The following MGST1 variants were observed in gnomAD, a reference collection of about 807,000 sequenced individuals.
The protein encoded by MGST1 is microsomal glutathione S-transferase 1.
A neutral mutation model predicts 8.9 loss-of-function variants in MGST1; 5 were observed. The ratio of observed to expected loss-of-function variants is 0.56; its 90% CI spans 0.29 to 1.19. The LOEUF (loss-of-function observed/expected upper bound fraction) is 1.19, where lower values mean the gene tolerates loss of function less well. MGST1 is among the 50% of genes most tolerant of loss of function. The pLI is 0.08. For synonymous variants in MGST1, 54 were observed against 67.8 expected, an observed-to-expected ratio of 0.80 and a Z score of 1.00; for missense variants, 182 against 187.4, an observed-to-expected ratio of 0.97 and a Z score of 0.17.
downstream of MGST1, among the ~76,000 whole-genome samples, chr12:16,591,766 T>C (rs989007058): frequency 3.3e-5 from 5 of 152,086 alleles, no homozygotes; most frequent in African/African-American, 9.7e-5. This position sits in a 1 kb window ranked among gnomAD's most constrained non-coding sequence, Gnocchi z 4.1. Context: ...TCTGTCTTGC[T>C]CTGCACCCAA....
At chr12:16,484,559 G>C (rs760864033) in intron 4 of MGST1, among the ~76,000 whole-genome samples, 1 of 152,158 alleles carries the variant, frequency 6.6e-6, no homozygotes, top group Admixed American at 6.5e-5. Flanking sequence ...AGCACAACTA[G>C]GGAGGTCTCA....
At chr12:16,494,603 G>A (rs1941458657) in intron 4 of MGST1, among the ~76,000 whole-genome samples, 1 of 152,088 alleles carries the variant, frequency 6.6e-6, no homozygotes, top group Non-Finnish European at 1.5e-5. Context: ...CCTTTTGCAA[G>A]CTATGATTGT....
chr12:16,437,703 CA>C (rs1170476023), exon 2 of MGST1: 2 of 151,956 alleles, frequency 1.3e-5, no homozygotes, highest in African/African-American at 4.8e-5. Context: ...CATGCTGTTG[CA>C]AACATGCCCT....
chr12:16,569,860 CAG>C (rs1217140463), intron 4 of MGST1, among the ~76,000 whole-genome samples: 3 of 152,130 alleles, frequency 2.0e-5, no homozygotes, highest in East Asian at 3.9e-4. Context: ...TGTACTAAAA[CAG>C]AAATATTTTA....
chr12:16,494,057 C>T (rs1015737344), intron 4 of MGST1, among the ~76,000 whole-genome samples: 3 of 152,008 alleles, frequency 2.0e-5, no homozygotes, highest in African/African-American at 4.8e-5. Context: ...GATACTGTGT[C>T]GTCAAGGTAA....
At chr12:16,432,731 C>CACAGAG (rs775306657) in intron 1 of MGST1, among the ~76,000 whole-genome samples, 10 of 132,754 alleles carry the variant, frequency 7.5e-5, no homozygotes, top group African/African-American at 1.7e-4. Context: ...CACACACACA[C>CACAGAG]AGAGAGAGAG....
At chr12:16,551,345 A>G (rs759563257) in intron 4 of MGST1, 1 of 1,431,554 alleles carries the variant, frequency 7.0e-7, no homozygotes, top group East Asian at 2.3e-5. Flanking sequence ...TATTTTAAAC[A>G]ATAAAATGTG....
At chr12:16,463,888 CT>C (rs1408788722) in intron 4 of MGST1, among the ~76,000 whole-genome samples, 1 of 152,102 alleles carries the variant, frequency 6.6e-6, no homozygotes, top group Non-Finnish European at 1.5e-5. Context: ...ACGTTAAATG[CT>C]TTTTCGAATT....
chr12:16,451,664 T>G (rs1235237918), intron 4 of MGST1, among the ~76,000 whole-genome samples: 1 of 151,920 alleles, frequency 6.6e-6, no homozygotes, highest in Non-Finnish European at 1.5e-5. Flanking sequence ...CTATATTTTT[T>G]TAAGAGCATC....
chr12:16,566,447 G>A (rs182502550), intron 4 of MGST1, among the ~76,000 whole-genome samples: 13 of 151,914 alleles, frequency 8.6e-5, no homozygotes, highest in Admixed American at 6.6e-5. Context: ...TGTATGAGGC[G>A]ATGGGTATTT....
chr12:16,537,709 A>G lies in MGST1; in HGVS notation n.483-51819A>G, dbSNP rs2137208334. ...AGGTTTGGAGTTTGCACCCTCTCAAACCATGAGCTGAGCTGTACCTTGGCC... is the reference window on the plus strand; with the variant it reads ...AGGTTTGGAGTTTGCACCCTCTCAAGCCATGAGCTGAGCTGTACCTTGGCC... On this transcript the variant is annotated intron_variant and non_coding_transcript_variant, in intron 4 of 4. Transcript: ENST00000538857. The surrounding 1 kb of genome is among the most constrained non-coding windows in gnomAD (Gnocchi z 4.6). Among the ~76,000 whole-genome samples, 1 of 152,164 alleles carries G rather than the reference A, an allele frequency of 6.6e-6. No homozygotes were observed. The highest frequency in any genetic ancestry group is 3.4e-3 in the Middle Eastern group (1 of 294).
intron 1 of MGST1, among the ~76,000 whole-genome samples, chr12:16,418,782 A>G (rs1439653478): frequency 6.6e-6 from 1 of 152,190 alleles, no homozygotes; most frequent in Admixed American, 6.6e-5. Flanking sequence ...TTGGGAATAA[A>G]TAAAATAATA....
chr12:16,521,888 A>G (rs953814456), intron 4 of MGST1, among the ~76,000 whole-genome samples: 1 of 152,110 alleles, frequency 6.6e-6, no homozygotes, highest in Non-Finnish European at 1.5e-5. Context: ...CCATTCCGAG[A>G]ACACTATTGT....
chr12:16,432,289 A>T (rs1340778757), intron 1 of MGST1, among the ~76,000 whole-genome samples: 1 of 152,176 alleles, frequency 6.6e-6, no homozygotes, highest in Non-Finnish European at 1.5e-5. Context: ...TCGTTCTGCC[A>T]GACAACTTAT....
chr12:16,355,861 G>T (rs1239211806), intron 2 of MGST1, among the ~76,000 whole-genome samples: 2 of 152,168 alleles, frequency 1.3e-5, no homozygotes, highest in African/African-American at 4.8e-5. Context: ...CTTACAAAAT[G>T]CCATAGACTG....
chr12:16,486,339 C>A (rs371562791), intron 4 of MGST1, among the ~76,000 whole-genome samples: 1 of 151,868 alleles, frequency 6.6e-6, no homozygotes, highest in Non-Finnish European at 1.5e-5. Context: ...AGCTATTAAT[C>A]GAAAATTGAT....
rs921774631 is a variant in MGST1, at chr12:16,364,348, G to A, written c.*307G>A. Reference sequence around the variant, plus strand: ...TTTTGAATCTATAAAAGAATTGCACGTATGAGAAACCTATATTTCAATACT... The same window carrying A: ...TTTTGAATCTATAAAAGAATTGCACATATGAGAAACCTATATTTCAATACT... On this transcript the variant is annotated 3_prime_UTR_variant, in exon 4 of 4. Coordinates refer to ENST00000396210, the MANE Select transcript of MGST1 (RefSeq NM_020300.5). This position sits in a 1 kb window ranked among gnomAD's most constrained non-coding sequence, Gnocchi z 5.7. 18 of 1,026,266 alleles carry A rather than the reference G, an allele frequency of 1.8e-5. No individual in the cohort carries two copies. The highest frequency in any genetic ancestry group is 4.6e-4 in the Middle Eastern group (1 of 2,164). 63.6% of individuals were successfully genotyped at this position (1,026,266 alleles called of 1,614,324 possible).
chr12:16,480,183 C>T (rs1388034978), intron 4 of MGST1, among the ~76,000 whole-genome samples: 5 of 146,172 alleles, frequency 3.4e-5, no homozygotes, highest in Non-Finnish European at 7.4e-5. Context: ...CACCCTATCA[C>T]CCAGGCTGGA....
At chr12:16,552,253 T>C (rs933033265) in intron 4 of MGST1, among the ~76,000 whole-genome samples, 8 of 152,028 alleles carry the variant, frequency 5.3e-5, no homozygotes, top group African/African-American at 1.7e-4. Flanking sequence ...ATTGTAACAA[T>C]TTAACCTTCA....
Sources: gnomAD v4.1 joint callset for allele counts (sites outside exome capture counted in the v4.1 genomes callset) on GRCh38, gnomAD v4.1.1 for gene constraint, Gnocchi (gnomAD v3.1) non-coding constraint, MANE v1.5 for transcripts, NCBI Gene and HGNC (gene_info 2026-07-23, HGNC 2026-07-21) for gene names.